The following DNAAF11 variants were observed in gnomAD, a reference collection of about 807,000 sequenced individuals.
DNAAF11 encodes the protein dynein axonemal assembly factor 11.
In DNAAF11, 45 loss-of-function variants were observed where a neutral mutation model predicts 60.8. The ratio of observed to expected loss-of-function variants is 0.74; its 90% CI spans 0.58 to 0.95. The LOEUF is 0.95. Ranked by LOEUF, DNAAF11 falls within the 40% of genes least tolerant of loss-of-function variation. DNAAF11 has a pLI of 0.00. For missense variants in DNAAF11, 546 were observed against 546.2 expected, an observed-to-expected ratio of 1.00 and a Z score of 0.00; for synonymous variants, 191 against 183.5, an observed-to-expected ratio of 1.04 and a Z score of -0.33.
At chr8:132,584,995 T>C (rs1279040118) in intron 10 of DNAAF11, among the ~76,000 whole-genome samples, 1 of 152,222 alleles carries the variant, frequency 6.6e-6, no homozygotes, top group African/African-American at 2.4e-5. Context: ...GACAGAAGTG[T>C]TGGGCACTTA....
At chr8:132,655,993 T>G (rs773593986) in intron 3 of DNAAF11, among the ~76,000 whole-genome samples, 1 of 152,218 alleles carries the variant, frequency 6.6e-6, no homozygotes, top group Non-Finnish European at 1.5e-5. Flanking sequence ...GAATTCCATT[T>G]CTAAGTGTCT....
chr8:132,662,312 T>C (rs1180406046), intron 1 of DNAAF11, among the ~76,000 whole-genome samples: 1 of 152,080 alleles, frequency 6.6e-6, no homozygotes, highest in African/African-American at 2.4e-5. Context: ...AGGTCAGCAG[T>C]ACGTGAGGAA....
intron 1 of DNAAF11, among the ~76,000 whole-genome samples, chr8:132,667,532 G>C (rs1824752351): frequency 6.6e-6 from 1 of 152,068 alleles, no homozygotes; most frequent in African/African-American, 2.4e-5. Flanking sequence ...AATATGCCAA[G>C]GCACAATATA....
chr8:132,616,301 C>T (rs528142280), intron 7 of DNAAF11, among the ~76,000 whole-genome samples: 5 of 152,116 alleles, frequency 3.3e-5, no homozygotes, highest in East Asian at 3.9e-4. Context: ...AGAAAAGGAG[C>T]GTGTATCCTT....
chr8:132,674,127 G>GAGAAGGAGGAGGAAGAGA (rs1563725952), intron 1 of DNAAF11, among the ~76,000 whole-genome samples: 2 of 129,188 alleles, frequency 1.5e-5, no homozygotes, highest in Non-Finnish European at 3.1e-5. Flanking sequence ...GGAGGAGGAG[G>GAGAAGGAGGAGGAAGAGA]AGGAGGAGAA....
At chr8:132,698,064 T>C in the DNAAF11 span, among the ~76,000 whole-genome samples, 1 of 152,218 alleles carries the variant, frequency 6.6e-6, no homozygotes, top group Admixed American at 6.5e-5. Context: ...AGACCTCACC[T>C]TGACTCCTCC....
At chr8:132,696,935 G>A in the DNAAF11 span, among the ~76,000 whole-genome samples, 1 of 152,076 alleles carries the variant, frequency 6.6e-6, no homozygotes, top group Admixed American at 6.6e-5. Flanking sequence ...AATAACTGTT[G>A]GGTACTAGGC....
Position 132,656,878 on chromosome 8 carries a change from A to G in DNAAF11, c.208T>C (p.Tyr70His). The G allele has an allele frequency of 7.2e-7, 1 of 1,389,312 alleles. No individual in the cohort carries two copies. The highest frequency in any genetic ancestry group is 2.3e-5 in the East Asian group (1 of 42,666). 86.1% of individuals were successfully genotyped at this position (1,389,312 alleles called of 1,614,324 possible). A position where few individuals can be genotyped will look rare whatever the true frequency, so the allele number is the denominator to read the frequency against. ...ATGTTGTTTAAAGCTAAATTCAAAT[A>G]TTCAAGTTTCTTGAGTTTGCTAACA... Reference protein sequence around the residue: ...ENVSKLKKLEYLNLALNNIEK... With the variant: ...ENVSKLKKLEHLNLALNNIEK... Residue 70 changes from tyrosine to histidine, a missense_variant, in exon 3 of 12, where the codon TAT becomes CAT. Tyr to His is a moderately conservative substitution (Grantham distance 83). Coordinates refer to ENST00000620350, the MANE Select transcript of DNAAF11 (RefSeq NM_012472.6).
chr8:132,681,523 T>C, the DNAAF11 span, among the ~76,000 whole-genome samples: 1 of 152,082 alleles, frequency 6.6e-6, no homozygotes, highest in Admixed American at 6.5e-5. Flanking sequence ...GTTGATCTAC[T>C]GCATCCAACA....
At chr8:132,608,760 T>C (rs952658868) in intron 10 of DNAAF11, among the ~76,000 whole-genome samples, 1 of 152,238 alleles carries the variant, frequency 6.6e-6, no homozygotes, top group Non-Finnish European at 1.5e-5. Flanking sequence ...CTGGTTACTA[T>C]AGAAGCATTT....
the DNAAF11 span, among the ~76,000 whole-genome samples, chr8:132,696,811 T>C: frequency 1.3e-5 from 2 of 152,100 alleles, no homozygotes; most frequent in Non-Finnish European, 2.9e-5. Flanking sequence ...ATAACACATG[T>C]TCTCACTGAT....
intron 5 of DNAAF11, among the ~76,000 whole-genome samples, chr8:132,629,362 T>C (rs2130397711): frequency 6.6e-6 from 1 of 151,808 alleles, no homozygotes; most frequent in Non-Finnish European, 1.5e-5. Flanking sequence ...TCTTTTTTTT[T>C]TTTAAGACGG....
chr8:132,662,345 T>G (rs546982527), intron 1 of DNAAF11, among the ~76,000 whole-genome samples: 2 of 152,248 alleles, frequency 1.3e-5, no homozygotes, highest in South Asian at 4.1e-4. Flanking sequence ...AGACTGGACA[T>G]AGCACTATCT....
chr8:132,573,103 T>C (rs143343082), intron 11 of DNAAF11, among the ~76,000 whole-genome samples: 441 of 152,192 alleles, frequency 2.9e-3, no homozygotes, highest in Middle Eastern at 6.9e-3. Context: ...GATATAGATA[T>C]AGATATAGAT....
intron 11 of DNAAF11, among the ~76,000 whole-genome samples, chr8:132,576,560 T>C (rs2130958399): frequency 6.6e-6 from 1 of 152,292 alleles, no homozygotes; most frequent in East Asian, 1.9e-4. Flanking sequence ...TTTTTAATCA[T>C]CTCTCAACAT....
rs763386182 is a variant in DNAAF11, at chr8:132,572,435, T to C, written c.1272A>G (p.Ser424=). The change falls in exon 12 of 12, where the codon TCA becomes TCG. Residue 424 remains serine (S), a synonymous_variant. Transcript: ENST00000620350. Reference sequence around the variant, plus strand: ...GAACTATGTTAGTCACATCAGGGAATGAGTGCTTGCTAGGGTCTACTTCTA... The same window carrying C: ...GAACTATGTTAGTCACATCAGGGAACGAGTGCTTGCTAGGGTCTACTTCTA... ...EKLEVDPSKH[S]FPDVTNIVQE... The C allele has an allele frequency of 1.9e-6, 3 of 1,612,476 alleles. No individual in the cohort carries two copies. The East Asian group carries it at 6.7e-5, about 36-fold the overall frequency.
chr8:132,577,749 C>T (rs1563961578), intron 11 of DNAAF11, among the ~76,000 whole-genome samples: 1 of 152,200 alleles, frequency 6.6e-6, no homozygotes, highest in Non-Finnish European at 1.5e-5. Flanking sequence ...ACCTCCACTT[C>T]CTGTGTTCAA....
intron 3 of DNAAF11, among the ~76,000 whole-genome samples, chr8:132,644,709 C>T (rs1325134237): frequency 6.6e-6 from 1 of 152,154 alleles, no homozygotes; most frequent in African/African-American, 2.4e-5. Context: ...TTGGAGGGTC[C>T]CACGCCCATG....
At chr8:132,624,979 T>C (rs528529984) in intron 6 of DNAAF11, among the ~76,000 whole-genome samples, 8 of 152,306 alleles carry the variant, frequency 5.3e-5, no homozygotes, top group African/African-American at 1.9e-4. Context: ...AATACTAATG[T>C]ATTAGTGTAA....
Sources: allele counts gnomAD v4.1 joint callset (sites outside exome capture counted in the v4.1 genomes callset), GRCh38; gene constraint gnomAD v4.1.1; transcripts MANE v1.5; gene names NCBI Gene and HGNC (gene_info 2026-07-23, HGNC 2026-07-21).